The following SLC27A1 variants were observed in gnomAD, a reference collection of about 807,000 sequenced individuals.
SLC27A1 encodes solute carrier family 27 member 1.
In SLC27A1, 61 loss-of-function variants were observed where a neutral mutation model predicts 62.2. The ratio of observed to expected loss-of-function variants is 0.98; its 90% CI spans 0.80 to 1.21. SLC27A1 has a LOEUF of 1.21. Among genes scored for constraint, SLC27A1 ranks in the 50% most tolerant of loss-of-function variants. The pLI is 0.00. For missense variants in SLC27A1, 903 were observed against 932.1 expected, an observed-to-expected ratio of 0.97 and a Z score of 0.41; for synonymous variants, 435 against 408.6, an observed-to-expected ratio of 1.06 and a Z score of -0.78.
chr19:17,504,522 G>T lies in SLC27A1; in HGVS notation c.1851G>T (p.Arg617=). ...EGFDPRQTSD[R]LFFLDLKQGH... The stretch of plus-strand genomic sequence containing the variant: ...TTGACCCACGCCAGACCTCAGACCG[G>T]CTCTTCTTCCTGGACCTGAAGCAGG... The change falls in exon 12 of 12, where the codon CGG becomes CGT. Residue 617 remains arginine, a synonymous_variant. Coordinates refer to ENST00000252595, the MANE Select transcript of SLC27A1 (RefSeq NM_198580.3). 1 of 1,614,170 alleles carries T rather than the reference G, an allele frequency of 6.2e-7. No homozygotes were observed.
Position 17,497,452 on chromosome 19 carries a change from C to T in SLC27A1, c.1194C>T (p.Asn398=). The change falls in exon 7 of 12, where the codon AAC becomes AAT. Residue 398 remains asparagine (N), a synonymous_variant. Transcript: ENST00000252595. ...GATECNCSIA[N]MDGKVGSCGF... ...CCGAGTGCAACTGCAGCATTGCCAA[C>T]ATGGACGGCAAGGTGCACACCGGCA... 6.2e-7 allele frequency: 1 copy of T among 1,607,826 alleles called. No individual in the cohort carries two copies. Among genetic ancestry groups the T allele is most frequent in the Non-Finnish European group, 8.5e-7 (1 of 1,177,932 alleles).
Position 17,489,069 on chromosome 19 carries a change from A to G in SLC27A1, c.948A>G (p.Lys316=). 1 of 1,614,108 alleles carries G rather than the reference A, an allele frequency of 6.2e-7. No homozygotes were observed. The highest frequency in any genetic ancestry group is 1.1e-5 in the South Asian group (1 of 91,084). The change falls in exon 6 of 12, where the codon AAA becomes AAG. Residue 316 remains lysine (K), a synonymous_variant. Transcript: ENST00000252595. The part of the protein sequence containing the change: ...IYGLTVVLRK[K]FSASRFWDDC... ...GGCTGACAGTCGTCCTCCGCAAGAA[A>G]TTCTCGGCCAGCCGCTTCTGGGACG... is the stretch of plus-strand genomic sequence containing the variant.
Position 17,486,646 on chromosome 19 carries a change from C to A in SLC27A1, c.251C>A (p.Ala84Glu). ...AGHTIPRIFQ[A>E]VVQRQPERLA... ...CACACCATCCCGCGCATCTTTCAGGCGGTAGTGCAGCGACAGCCCGAGCGC... is the reference window on the plus strand; with the variant it reads ...CACACCATCCCGCGCATCTTTCAGGAGGTAGTGCAGCGACAGCCCGAGCGC... The change falls in exon 2 of 12, where the codon GCG (alanine) becomes GAG (glutamate). Residue 84 changes from alanine (A) to glutamate (E), a missense_variant. Transcript: ENST00000252595. The surrounding 1 kb of genome is among the most constrained non-coding windows in gnomAD (Gnocchi z 6.6). 1 of 1,605,526 alleles carries A rather than the reference C, an allele frequency of 6.2e-7. No individual in the cohort carries two copies. Among genetic ancestry groups the A allele is most frequent in the Non-Finnish European group, 8.5e-7 (1 of 1,179,122 alleles).
Position 17,497,451 on chromosome 19 carries a change from A to G in SLC27A1, c.1193A>G (p.Asn398Ser), listed in dbSNP as rs1369977931. ...GATECNCSIA[N>S]MDGKVGSCGF... is the part of the protein sequence containing the mutation. ...ACCGAGTGCAACTGCAGCATTGCCA[A>G]CATGGACGGCAAGGTGCACACCGGC... The change falls in exon 7 of 12, where the codon AAC becomes AGC. Residue 398 changes from asparagine to serine, a missense_variant. By Grantham distance (46) the Asn-to-Ser change is conservative (BLOSUM62 1). Coordinates refer to ENST00000252595, the MANE Select transcript of SLC27A1 (RefSeq NM_198580.3). The G allele has an allele frequency of 4.4e-6, 7 of 1,607,886 alleles. No individual in the cohort carries two copies. The highest frequency in any genetic ancestry group is 1.3e-5 in the African/African-American group (1 of 74,738).
chr19:17,470,156 TG>T (rs2075059069), upstream of SLC27A1, among the ~76,000 whole-genome samples: 1 of 151,252 alleles, frequency 6.6e-6, no homozygotes, highest in Non-Finnish European at 1.5e-5. Flanking sequence ...ACCGACAAGG[TG>T]GACATGCTGG....
rs3079223 is a variant in SLC27A1, at chr19:17,480,541, C to CTTTTTTTTTTTTT, written c.168-6017_168-6005dup. ...GCCACAATGGCCAGTTAATTTTTTT[C>CTTTTTTTTTTTTT]TTTTTTTTTTTTTTTTTGCAGAGAT... On this transcript the variant is annotated intron_variant, in intron 1 of 11. Transcript: ENST00000252595. 9.8e-5 allele frequency among the ~76,000 whole-genome samples: 11 copies of CTTTTTTTTTTTTT among 111,772 alleles called. 1 individual carries two copies. Among genetic ancestry groups the CTTTTTTTTTTTTT allele is most frequent in the Non-Finnish European group, 1.7e-4 (10 of 58,172 alleles). 73.3% of individuals were successfully genotyped at this position (111,772 alleles called of 152,430 possible).
chr19:17,500,722 A>G lies in SLC27A1; in HGVS notation c.1482A>G (p.Leu494=). 6.2e-7 allele frequency: 1 copy of G among 1,614,096 alleles called. No homozygotes were observed. The highest frequency in any genetic ancestry group is 8.5e-7 in the Non-Finnish European group (1 of 1,180,008). The part of the protein sequence containing the change: ...GDSAYLSGDV[L]VMDELGYMYF... ...TCTCCCCTCTGCCAGGTGACGTGCT[A>G]GTGATGGATGAGCTGGGCTACATGT... The change falls in exon 10 of 12, where the codon CTA becomes CTG. Residue 494 remains leucine, a synonymous_variant. Coordinates refer to ENST00000252595, the MANE Select transcript of SLC27A1 (RefSeq NM_198580.3).
intron 2 of SLC27A1, 76 bp downstream of exon 2, chr19:17,487,033 C>T (rs961974379): frequency 7.8e-6 from 12 of 1,541,058 alleles, no homozygotes; most frequent in Non-Finnish European, 8.7e-6. Flanking sequence ...TGCTGCGCCC[C>T]AGGCCTCGGA....
intron 7 of SLC27A1, chr19:17,498,917 C>T (rs2144613169): frequency 6.5e-6 from 1 of 152,960 alleles, no homozygotes; most frequent in East Asian, 1.9e-4. Flanking sequence ...ACTTTTAGTA[C>T]TTTCACTAAT....
intron 1 of SLC27A1, among the ~76,000 whole-genome samples, chr19:17,478,749 C>A: frequency 6.6e-6 from 1 of 151,530 alleles, no homozygotes; most frequent in South Asian, 2.1e-4. Context: ...CCCAGCTACT[C>A]AGGGGGCTGA....
chr19:17,476,941 T>G (rs921832601), intron 1 of SLC27A1, among the ~76,000 whole-genome samples: 1 of 144,980 alleles, frequency 6.9e-6, no homozygotes, highest in African/African-American at 2.5e-5. Context: ...CAGGCTGGAG[T>G]GCAGTGGTGC....
intron 6 of SLC27A1, among the ~76,000 whole-genome samples, chr19:17,492,665 C>T (rs890887646): frequency 6.7e-6 from 1 of 149,694 alleles, no homozygotes; most frequent in Non-Finnish European, 1.5e-5. Flanking sequence ...GGGCCGGGCG[C>T]AGTGTCTTAC....
chr19:17,480,545 T>TC lies in SLC27A1; in HGVS notation c.168-6018_168-6017insC, dbSNP rs543334836. 1.8e-3 allele frequency among the ~76,000 whole-genome samples: 263 copies of TC among 144,100 alleles called. 1 individual carries two copies. The highest frequency in any genetic ancestry group is 6.2e-3 in the African/African-American group (243 of 39,326). The allele number at this position is 144,100 out of a possible 152,430, so 94.5% of individuals were successfully genotyped here. On this transcript the variant is annotated intron_variant, in intron 1 of 11. Coordinates refer to ENST00000252595, the MANE Select transcript of SLC27A1 (RefSeq NM_198580.3). The stretch of plus-strand genomic sequence containing the variant: ...CAATGGCCAGTTAATTTTTTTCTTT[T>TC]TTTTTTTTTTTTTGCAGAGATGAGG...
rs9137 is a variant in SLC27A1, at chr19:17,506,024, T to C, written c.*1412T>C. ...TGGGGCCGGCCACCCAGGCCGCCTG[T>C]CCGTCTGTCCTCCCTCCAGCAGCAC... On this transcript the variant is annotated 3_prime_UTR_variant, in exon 12 of 12. Coordinates refer to ENST00000252595, the MANE Select transcript of SLC27A1 (RefSeq NM_198580.3). The C allele has an allele frequency of 0.2, 30,920 of 152,274 alleles. 5,554 individuals are homozygous for C. The highest frequency in any genetic ancestry group is 0.48 in the African/African-American group (20,072 of 41,460). The allele number at this position is 152,274 out of a possible 1,614,324, so 9.4% of individuals were successfully genotyped here. A position where few individuals can be genotyped will look rare whatever the true frequency, so the allele number is the denominator to read the frequency against.
In SLC27A1 at chr19:17,486,564, G is replaced by T; in HGVS notation, c.169G>T (p.Gly57Cys). 6.3e-7 allele frequency: 1 copy of T among 1,578,004 alleles called. No individual in the cohort carries two copies. The highest frequency in any genetic ancestry group is 8.6e-7 in the Non-Finnish European group (1 of 1,169,306). Residue 57 changes from glycine (G) to cysteine (C), a missense_variant and splice_region_variant, in exon 2 of 12, where the codon GGT becomes TGT. By Grantham distance (159) the Gly-to-Cys change is radical. Coordinates refer to ENST00000252595, the MANE Select transcript of SLC27A1 (RefSeq NM_198580.3). The surrounding 1 kb of genome is among the most constrained non-coding windows in gnomAD (Gnocchi z 6.6). The stretch of plus-strand genomic sequence containing the variant: ...TGTCCCCTCCGTCCTCCCTCCCAGC[G>T]GTCTCTCTGTGCTGATCCGCGTGCG... ...VCKTARRDLF[G>C]LSVLIRVRLE...
intron 1 of SLC27A1, among the ~76,000 whole-genome samples, chr19:17,477,848 C>T (rs1293097142): frequency 6.6e-6 from 1 of 152,094 alleles, no homozygotes; most frequent in Non-Finnish European, 1.5e-5. Context: ...AGCCACCGCA[C>T]CTGCCGCCCA....
chr19:17,477,313 C>T (rs570049484), intron 1 of SLC27A1, among the ~76,000 whole-genome samples: 1 of 124,398 alleles, frequency 8.0e-6, no homozygotes, highest in Admixed American at 1.0e-4. Context: ...GTGGTGTGAT[C>T]TCAGCTCACT....
chr19:17,499,471 A>G (rs1411903176), intron 7 of SLC27A1: 1 of 151,966 alleles, frequency 6.6e-6, no homozygotes, highest in African/African-American at 2.4e-5. Flanking sequence ...TGTTTTATAT[A>G]TTTTATTATA....
intron 1 of SLC27A1, among the ~76,000 whole-genome samples, chr19:17,473,987 G>T (rs893960138): frequency 6.6e-5 from 10 of 152,296 alleles, no homozygotes; most frequent in South Asian, 4.1e-4. Flanking sequence ...CTGTCACCCA[G>T]GCTGGAGTGC....
Sources: gnomAD v4.1 joint callset for allele counts (sites outside exome capture counted in the v4.1 genomes callset) on GRCh38, gnomAD v4.1.1 for gene constraint, Gnocchi (gnomAD v3.1) non-coding constraint, MANE v1.5 for transcripts, NCBI Gene and HGNC (gene_info 2026-07-23, HGNC 2026-07-21) for gene names.